Variants in SCNN1A observed in about 807,000 individuals in gnomAD.
SCNN1A encodes sodium channel epithelial 1 subunit alpha.
SCNN1A carries 65 observed loss-of-function variants against 68.6 expected under a neutral mutation model. The ratio of observed to expected loss-of-function variants is 0.95; its 90% CI spans 0.78 to 1.16. The LOEUF (loss-of-function observed/expected upper bound fraction) is 1.16. Ranked by LOEUF, SCNN1A falls within the 50% of genes most tolerant of loss-of-function variation. SCNN1A has a pLI of 0.00. For missense variants in SCNN1A, 880 were observed against 865.9 expected, an observed-to-expected ratio of 1.02 and a Z score of -0.20; for synonymous variants, 357 against 353.3, an observed-to-expected ratio of 1.01 and a Z score of -0.12.
At chr12:6,364,661 C>T (rs1440481122) in intron 2 of SCNN1A, among the ~76,000 whole-genome samples, 1 of 151,678 alleles carries the variant, frequency 6.6e-6, no homozygotes, top group Non-Finnish European at 1.5e-5. Context: ...ACTCGGGAGG[C>T]TGAGGCAGGA....
chr12:6,370,585 T>A (rs994379779), intron 2 of SCNN1A, among the ~76,000 whole-genome samples: 1 of 152,214 alleles, frequency 6.6e-6, no homozygotes, highest in South Asian at 2.1e-4. Flanking sequence ...CCAACCACCA[T>A]GGCAGGGTTA....
rs751381592 is a variant in SCNN1A at position 6,354,802 on chromosome 12, T to C, written c.1190A>G (p.Asn397Ser). The change falls in exon 7 of 13, where the codon AAT (asparagine) becomes AGT (serine). Residue 397 changes from asparagine to serine, a missense_variant. Asn to Ser is a conservative substitution (Grantham distance 46, BLOSUM62 1). Around this residue, in one of 3 missense-constraint regions of SCNN1A, gnomAD observed 758 missense variants for 721.8 expected, o/e 1.05. Coordinates refer to ENST00000228916, the MANE Select transcript of SCNN1A (RefSeq NM_001038.6). The part of the protein sequence containing the change: ...LGGDYGDCTK[N>S]GSDVPVENLY... ...GTTCTCAACAGGAACATCACTGCCA[T>C]TCTTGGTGCAGTCGCCATAATCGCC... 1.9e-6 allele frequency: 3 copies of C among 1,614,044 alleles called. No individual in the cohort carries two copies. The highest frequency in any genetic ancestry group is 2.5e-6 in the Non-Finnish European group (3 of 1,180,004).
chr12:6,371,098 A>G (rs1159822921), intron 2 of SCNN1A, among the ~76,000 whole-genome samples: 2 of 152,176 alleles, frequency 1.3e-5, no homozygotes, highest in Admixed American at 1.3e-4. Context: ...GTTAGAAAGC[A>G]GCACAGAGTC....
chr12:6,369,322 TCCCTCCTGCCACCCTAC>T (rs1948740772), intron 2 of SCNN1A, among the ~76,000 whole-genome samples: 1 of 150,018 alleles, frequency 6.7e-6, no homozygotes, highest in Non-Finnish European at 1.5e-5. Context: ...CCTACGCACC[TCCCTCCTGCCACCCTAC>T]GCACCTCCCT....
intron 2 of SCNN1A, among the ~76,000 whole-genome samples, chr12:6,371,399 C>A (rs914702911): frequency 1.3e-5 from 2 of 151,986 alleles, no homozygotes; most frequent in Non-Finnish European, 2.9e-5. Flanking sequence ...TGCCCCCGAC[C>A]CTGGGAGGTC....
intron 2 of SCNN1A, among the ~76,000 whole-genome samples, chr12:6,366,028 GTA>G (rs1278891861): frequency 6.6e-6 from 1 of 151,948 alleles, no homozygotes; most frequent in Admixed American, 6.6e-5. Flanking sequence ...CTAATTTTTT[GTA>G]TTTTTAGTAG....
At chr12:6,368,249 G>T (rs56811846) in intron 2 of SCNN1A, among the ~76,000 whole-genome samples, 7,384 of 152,274 alleles carry the variant, frequency 0.048, 539 homozygotes, top group African/African-American at 0.16. Context: ...GACTCTGGGG[G>T]CTGCTGCATG....
Position 6,348,026 on chromosome 12 carries a change from G to A in SCNN1A, c.1857C>T (p.Pro619=). The A allele has an allele frequency of 6.2e-7, 1 of 1,601,042 alleles. No homozygotes were observed. The highest frequency in any genetic ancestry group is 8.5e-7 in the Non-Finnish European group (1 of 1,173,602). Reference sequence around the variant, plus strand: ...GGGACAAGGACAGAGACATGGGGTGGGGGCAGAAGTGGGAAGGAGGGGAGG... The same window carrying A: ...GGGACAAGGACAGAGACATGGGGTGAGGGCAGAAGTGGGAAGGAGGGGAGG... ...LASSPPSHFC[P]HPMSLSLSQP... The change falls in exon 13 of 13, where the codon CCC becomes CCT. Residue 619 remains proline, a synonymous_variant. Transcript: ENST00000228916.
intron 12 of SCNN1A, 36 bp downstream of exon 12, chr12:6,348,691 C>G: frequency 6.4e-7 from 1 of 1,569,302 alleles, no homozygotes; most frequent in Non-Finnish European, 8.8e-7. Flanking sequence ...AGTAAGACCC[C>G]CAGAGCATCA....
rs1424112585 is a variant in SCNN1A, at chr12:6,348,400, C to G, written c.1630-147G>C. On this transcript the variant is annotated intron_variant, in intron 12 of 12. Coordinates refer to ENST00000228916, the MANE Select transcript of SCNN1A (RefSeq NM_001038.6). ...CAGCCTCTCAGCAGCCCCCTGGGCT[C>G]TTTGTCTCTGCTCCTGGCCAGTGTC... 12 of 1,484,752 alleles carry G rather than the reference C, an allele frequency of 8.1e-6. No homozygotes were observed. In the Admixed American group the frequency reaches 2.4e-4, roughly 30 times the overall value. 92.0% of individuals were successfully genotyped at this position (1,484,752 alleles called of 1,614,324 possible).
At chr12:6,353,514 C>A (rs148802796) in intron 8 of SCNN1A, among the ~76,000 whole-genome samples, 96 of 152,210 alleles carry the variant, frequency 6.3e-4, no homozygotes, top group African/African-American at 2.2e-3. Context: ...CATTGAGGAA[C>A]CGCTGGAGGT....
Position 6,347,933 on chromosome 12 carries a change from G to C in SCNN1A, c.1950C>G (p.Arg650=). 1 of 1,585,838 alleles carries C rather than the reference G, an allele frequency of 6.3e-7. No individual in the cohort carries two copies. The highest frequency in any genetic ancestry group is 8.6e-7 in the Non-Finnish European group (1 of 1,164,754). ...CCCCTGCAGAGCCCCCTGGAGATGG[G>C]CGGGGGCCCAGGGTGGCATAGGCAG... ...PPPAYATLGP[R]PSPGGSAGAS... Residue 650 remains arginine (R), a synonymous_variant, in exon 13 of 13, where the codon CGC becomes CGG. Coordinates refer to ENST00000228916, the MANE Select transcript of SCNN1A (RefSeq NM_001038.6).
In SCNN1A at chr12:6,355,854, A is replaced by C; in HGVS notation, c.902T>G (p.Met301Arg). Residue 301 changes from methionine to arginine, a missense_variant, in exon 5 of 13, where the codon ATG becomes AGG. Transcript: ENST00000228916. ...QANYSHFHHP[M>R]YGNCYTFNDK... ...ATTGAAAGTATAGCAGTTTCCATAC[A>C]TCGGGTGGTGGAAGTGAGAGTAATT... The C allele has an allele frequency of 6.2e-7, 1 of 1,612,720 alleles. No homozygotes were observed. The highest frequency in any genetic ancestry group is 8.5e-7 in the Non-Finnish European group (1 of 1,178,668).
At position 6,374,936 on chromosome 12, in the gene SCNN1A, T is replaced by A. The variant is rs932594206; in HGVS notation, c.-54-99A>T. On this transcript the variant is annotated intron_variant, in intron 1 of 12. Coordinates refer to ENST00000228916, the MANE Select transcript of SCNN1A (RefSeq NM_001038.6). This position sits in a 1 kb window ranked among gnomAD's most constrained non-coding sequence, Gnocchi z 6.2. The stretch of plus-strand genomic sequence containing the variant: ...TCTCCCATCACCCCTGGAACCCGAG[T>A]GAGGCTGCCCCTGGCCATGCCCATG... 3.8e-6 allele frequency: 6 copies of A among 1,591,688 alleles called. No individual in the cohort carries two copies. The highest frequency in any genetic ancestry group is 5.1e-6 in the Non-Finnish European group (6 of 1,168,686).
intron 1 of SCNN1A, 158 bp downstream of exon 1, chr12:6,375,347 C>A: frequency 6.9e-7 from 1 of 1,447,794 alleles, no homozygotes; most frequent in Non-Finnish European, 9.0e-7. Context: ...AGCCTCTGGC[C>A]CTGACCTCGA....
chr12:6,360,854 A>G (rs1212949542), intron 4 of SCNN1A, among the ~76,000 whole-genome samples: 1 of 152,236 alleles, frequency 6.6e-6, no homozygotes, highest in Admixed American at 6.5e-5. Context: ...CAAGGACATT[A>G]TAACAGGGGT....
Position 6,374,448 on chromosome 12 carries a change from G to C in SCNN1A, c.336C>G (p.Tyr112Ter). The C allele has an allele frequency of 6.2e-7, 1 of 1,614,220 alleles. No homozygotes were observed. The change falls in exon 2 of 13, where the codon TAC (tyrosine) becomes TAG (stop). Residue 112 changes from tyrosine to a stop codon, truncating the protein, a stop_gained. Coordinates refer to ENST00000228916, the MANE Select transcript of SCNN1A (RefSeq NM_001038.6). LOFTEE classifies it high-confidence loss of function. The surrounding 1 kb of genome is among the most constrained non-coding windows in gnomAD (Gnocchi z 6.2). ...FGLLFGEYFS[Y>*]PVSLNINLNS... is the part of the protein sequence containing the mutation. ...TGAGGTTGATGTTGAGGCTGACGGGGTAGCTGAAGTACTCTCCGAAAAGCA... is the reference window on the plus strand; with the variant it reads ...TGAGGTTGATGTTGAGGCTGACGGGCTAGCTGAAGTACTCTCCGAAAAGCA...
rs1324676740 is a variant in SCNN1A at position 6,355,401 on chromosome 12, GTCAT to G, written c.1010_1013del (p.Asn337ThrfsTer9). ...TCACTGTGGACAGCAGGGGAATGAA[GTCAT>G]TCTGCTCTGCGCGCAGCATCAGGGA... On this transcript the variant is annotated frameshift_variant, in exon 6 of 13. Coordinates refer to ENST00000228916, the MANE Select transcript of SCNN1A (RefSeq NM_001038.6). LOFTEE classifies it high-confidence loss of function. The G allele has an allele frequency of 1.2e-6, 2 of 1,613,940 alleles. No homozygotes were observed. The highest frequency in any genetic ancestry group is 2.7e-5 in the African/African-American group (2 of 74,928).
At chr12:6,361,552 C>T (rs1462766192) in intron 4 of SCNN1A, among the ~76,000 whole-genome samples, 2 of 152,114 alleles carry the variant, frequency 1.3e-5, no homozygotes, top group Non-Finnish European at 2.9e-5. Flanking sequence ...CCAGCCTGAC[C>T]AACATGGACG....
Sources: gnomAD v4.1 joint callset for allele counts (sites outside exome capture counted in the v4.1 genomes callset) on GRCh38, gnomAD v4.1.1 for gene constraint, gnomAD v4.1.1 regional missense constraint, Gnocchi (gnomAD v3.1) non-coding constraint, MANE v1.5 for transcripts, NCBI Gene and HGNC (gene_info 2026-07-23, HGNC 2026-07-21) for gene names.